CEP112: variants seen among roughly 807,000 people sequenced by gnomAD.
CEP112 encodes centrosomal protein of 112 kDa.
A neutral mutation model predicts 153.0 loss-of-function variants in CEP112; 127 were observed. The observed-to-expected ratio is 0.83, with a 90% CI of 0.72 to 0.96. CEP112 has a LOEUF of 0.96. Among genes scored for constraint, CEP112 ranks in the 40% least tolerant of loss-of-function variants. CEP112 has a pLI of 0.00. For synonymous variants in CEP112, 358 were observed against 374.4 expected (o/e 0.96, Z 0.51); for missense variants, 1,089 against 1,101.2 (o/e 0.99, Z 0.16).
intron 21 of CEP112, among the ~76,000 whole-genome samples, chr17:65,753,023 T>C (rs921048781): frequency 6.6e-6 from 1 of 152,232 alleles, no homozygotes; most frequent in Admixed American, 6.5e-5. Context: ...TAAAAACCAC[T>C]GGTTCATGCC....
intron 4 of CEP112, among the ~76,000 whole-genome samples, chr17:66,159,859 G>A (rs1046324947): frequency 3.3e-5 from 5 of 152,076 alleles, no homozygotes; most frequent in African/African-American, 1.2e-4. Context: ...AGGGCAATCA[G>A]GCAAGAGAAA....
intron 24 of CEP112, among the ~76,000 whole-genome samples, chr17:65,687,479 T>C (rs550178811): frequency 2.0e-4 from 30 of 152,284 alleles, no homozygotes; most frequent in Non-Finnish European, 4.1e-4. Flanking sequence ...TTATTATTAA[T>C]TTTTTATTCT....
chr17:65,937,566 T>A (rs1319882871), intron 18 of CEP112, among the ~76,000 whole-genome samples: 5 of 45,092 alleles, frequency 1.1e-4, no homozygotes, highest in East Asian at 2.4e-3. Context: ...GGGAGGGAGG[T>A]GGGGGGGGTC....
intron 21 of CEP112, among the ~76,000 whole-genome samples, chr17:65,806,101 A>G (rs2055581763): frequency 6.6e-6 from 1 of 152,220 alleles, no homozygotes; most frequent in African/African-American, 2.4e-5. Context: ...GAATCTTTCC[A>G]GTCTCAATTA....
chr17:66,129,885 A>T (rs2070050085), intron 5 of CEP112, 62 bp from the exon 6 acceptor site: 1 of 1,055,364 alleles, frequency 9.5e-7, no homozygotes, highest in Non-Finnish European at 1.4e-6. Context: ...ATAAAAGGAA[A>T]AGATGGAAGA....
At chr17:66,150,261 G>A (rs150271648) in intron 4 of CEP112, among the ~76,000 whole-genome samples, 5,058 of 146,562 alleles carry the variant, frequency 0.035, 128 homozygotes, top group Middle Eastern at 0.062. Context: ...GCAGTGGCAC[G>A]ATCTTGGCTC....
intron 20 of CEP112, among the ~76,000 whole-genome samples, chr17:65,901,461 T>C (rs2059845528): frequency 6.6e-6 from 1 of 152,202 alleles, no homozygotes; most frequent in Non-Finnish European, 1.5e-5. Flanking sequence ...GATTTCTTTT[T>C]TCATCTGAAA....
At chr17:66,188,947 A>G (rs903449235) in intron 1 of CEP112, among the ~76,000 whole-genome samples, 22 of 152,212 alleles carry the variant, frequency 1.4e-4, no homozygotes, top group African/African-American at 5.1e-4. Context: ...CACGTACTCA[A>G]ACATTTGCCT....
intron 16 of CEP112, among the ~76,000 whole-genome samples, chr17:66,018,557 A>T (rs562005339): frequency 2.0e-4 from 31 of 152,284 alleles, no homozygotes; most frequent in African/African-American, 6.3e-4. Flanking sequence ...AACTTCTATA[A>T]ATCTTTTCAC....
rs146022234 is a variant in CEP112, at chr17:66,157,692, A to C, written c.470+17352T>G. 8.5e-3 allele frequency among the ~76,000 whole-genome samples: 1,226 copies of C among 143,868 alleles called. 17 individuals are homozygous for C. Among genetic ancestry groups the C allele is most frequent in the African/African-American group, 0.029 (1,165 of 39,726 alleles). The allele number at this position is 143,868 out of a possible 152,430, so 94.4% of individuals were successfully genotyped here. ...TAAAGAGATGGAGGAATATTTACCA[A>C]GCAAATGGAAAGCAAAAAAAAAAAA... On this transcript the variant is annotated intron_variant, in intron 4 of 26. Coordinates refer to ENST00000535342, the MANE Select transcript of CEP112 (RefSeq NM_001199165.4).
At chr17:66,171,231 C>T (rs940578759) in intron 4 of CEP112, among the ~76,000 whole-genome samples, 2 of 152,010 alleles carry the variant, frequency 1.3e-5, no homozygotes, top group African/African-American at 4.8e-5. Context: ...ATCTAAAATG[C>T]CATTAGAAAT....
intron 20 of CEP112, among the ~76,000 whole-genome samples, chr17:65,877,902 C>T (rs1239656973): frequency 6.6e-6 from 1 of 152,116 alleles, no homozygotes; most frequent in South Asian, 2.1e-4. Flanking sequence ...AATGGATGAA[C>T]CTGGAGGATA....
intron 18 of CEP112, among the ~76,000 whole-genome samples, chr17:65,936,965 G>A (rs978670464): frequency 5.3e-5 from 8 of 151,008 alleles, no homozygotes; most frequent in East Asian, 2.0e-4. Flanking sequence ...GCAGGCGCAC[G>A]TCACCACGCC....
Position 65,940,715 on chromosome 17 carries a change from AG to A in CEP112, c.1873-13027del, listed in dbSNP as rs1221806707. Among the ~76,000 whole-genome samples, 24 of 152,318 alleles carry A rather than the reference AG, an allele frequency of 1.6e-4. 2 individuals are homozygous for A. In the East Asian group the frequency reaches 4.6e-3, roughly 29 times the overall value. On this transcript the variant is annotated intron_variant, in intron 18 of 26. Coordinates refer to ENST00000535342, the MANE Select transcript of CEP112 (RefSeq NM_001199165.4). ...ACTCAGAAGTAGAGAGTACAATGGT[AG>A]TTAGGAAAGGCTGGGCGAGAGTAGG...
intron 17 of CEP112, among the ~76,000 whole-genome samples, chr17:65,976,978 T>C (rs1474217411): frequency 2.0e-5 from 3 of 152,126 alleles, no homozygotes; most frequent in Non-Finnish European, 4.4e-5. Flanking sequence ...CCTCAGGTGA[T>C]CCGCCCGCCT....
chr17:66,074,771 G>A (rs558753199), intron 8 of CEP112, among the ~76,000 whole-genome samples: 204 of 148,022 alleles, frequency 1.4e-3, no homozygotes, highest in Non-Finnish European at 2.6e-3. Flanking sequence ...GCTGAGGCAG[G>A]AGAATTGCTT....
chr17:66,027,765 T>A (rs992880458), intron 15 of CEP112, among the ~76,000 whole-genome samples: 1 of 152,168 alleles, frequency 6.6e-6, no homozygotes. Flanking sequence ...GATATTACTA[T>A]TCTCAAAAGC....
At chr17:65,824,216 C>T (rs1032421385) in intron 21 of CEP112, among the ~76,000 whole-genome samples, 20 of 152,164 alleles carry the variant, frequency 1.3e-4, no homozygotes, top group Admixed American at 1.3e-3. Context: ...CAATGGAATA[C>T]TACTAAGCAA....
chr17:65,885,960 C>T (rs1365562490), intron 20 of CEP112, among the ~76,000 whole-genome samples: 1 of 152,206 alleles, frequency 6.6e-6, no homozygotes, highest in Non-Finnish European at 1.5e-5. Context: ...TAGATCATTT[C>T]ACGTGAACCT....
Sources: gnomAD v4.1 joint callset for allele counts (sites outside exome capture counted in the v4.1 genomes callset) on GRCh38, gnomAD v4.1.1 for gene constraint, MANE v1.5 for transcripts, NCBI Gene and HGNC (gene_info 2026-07-23, HGNC 2026-07-21) for gene names.